The following MTR variants were observed in gnomAD, a reference collection of about 807,000 sequenced individuals.
The protein encoded by MTR is 5-methyltetrahydrofolate-homocysteine methyltransferase.
MTR carries 84 observed loss-of-function variants against 154.8 expected under a neutral mutation model. The ratio of observed to expected loss-of-function variants is 0.54; its 90% CI spans 0.45 to 0.65. The LOEUF (loss-of-function observed/expected upper bound fraction) is 0.65. Ranked by LOEUF, MTR falls within the 30% of genes least tolerant of loss-of-function variation. The pLI is 0.00. For synonymous variants in MTR, 554 were observed against 553.9 expected, an observed-to-expected ratio of 1.00 and a Z score of 0.00; for missense variants, 1,275 against 1,570.2, an observed-to-expected ratio of 0.81 and a Z score of 3.18.
chr1:236,897,310 G>GCGCGCACGCACACACACA lies in MTR; in HGVS notation c.3711+193_3711+194insGCGCACGCACACACACAC. Among the ~76,000 whole-genome samples the GCGCGCACGCACACACACA allele has an allele frequency of 3.3e-3, 422 of 128,674 alleles. 4 individuals are homozygous for GCGCGCACGCACACACACA. Among genetic ancestry groups the GCGCGCACGCACACACACA allele is most frequent in the Non-Finnish European group, 4.5e-3 (261 of 58,150 alleles). The allele number at this position is 128,674 out of a possible 152,430, so 84.4% of individuals were successfully genotyped here. A position where few individuals can be genotyped will look rare whatever the true frequency, so the allele number is the denominator to read the frequency against. On this transcript the variant is annotated intron_variant, in intron 32 of 32. Coordinates refer to ENST00000366577, the MANE Select transcript of MTR (RefSeq NM_000254.3). Reference sequence around the variant, plus strand: ...ACTTCTACATGCAAGCCACACACACGCACACACACACACACACACACACAC... The same window carrying GCGCGCACGCACACACACA: ...ACTTCTACATGCAAGCCACACACACGCGCGCACGCACACACACACACACACACACACACACACACACAC...
At chr1:236,814,733 G>A (rs534679157) in intron 6 of MTR, among the ~76,000 whole-genome samples, 1 of 152,266 alleles carries the variant, frequency 6.6e-6, no homozygotes, top group Admixed American at 6.5e-5. Context: ...TGAGTAACTG[G>A]TTGGCTTAGA....
intron 32 of MTR, 71 bp from the exon 33 acceptor site, chr1:236,897,487 A>G: frequency 2.1e-6 from 3 of 1,413,250 alleles, no homozygotes; most frequent in Non-Finnish European, 3.0e-6. Flanking sequence ...TTTCTTGGCA[A>G]ATCTTGTGGA....
At position 236,859,937 on chromosome 1, in the gene MTR, C is replaced by A; in HGVS notation, c.2043+15C>A. On this transcript the variant is annotated intron_variant, in intron 19 of 32. Coordinates refer to ENST00000366577, the MANE Select transcript of MTR (RefSeq NM_000254.3). ...CCCTTGTGAAGGTAAGTTACAGGGG[C>A]CTGAACTGGAGGGCTGGAGGCTCAT... The A allele has an allele frequency of 6.2e-7, 1 of 1,610,634 alleles. No homozygotes were observed. The highest frequency in any genetic ancestry group is 8.5e-7 in the Non-Finnish European group (1 of 1,177,080).
intron 22 of MTR, among the ~76,000 whole-genome samples, chr1:236,872,422 CA>C: frequency 6.6e-6 from 1 of 152,286 alleles, no homozygotes; most frequent in African/African-American, 2.4e-5. Context: ...AGTTCCCTGA[CA>C]GCTCTTCGTG....
intron 1 of MTR, among the ~76,000 whole-genome samples, chr1:236,800,772 C>G (rs921514737): frequency 6.6e-6 from 1 of 152,210 alleles, no homozygotes; most frequent in African/African-American, 2.4e-5. Context: ...TACTATACAT[C>G]AAACACCAAT....
chr1:236,875,488 G>A (rs1665380537), intron 24 of MTR, among the ~76,000 whole-genome samples: 2 of 152,198 alleles, frequency 1.3e-5, no homozygotes, highest in Admixed American at 1.3e-4. Context: ...ATAGTGATAT[G>A]TGGTAAGTGC....
rs187391370 is a variant in MTR at position 236,805,739 on chromosome 1, C to T, written c.250-405C>T. 8.8e-4 allele frequency among the ~76,000 whole-genome samples: 134 copies of T among 152,228 alleles called. 2 individuals carry two copies. The highest frequency in any genetic ancestry group is 3.1e-3 in the African/African-American group (130 of 41,550). ...TCTTGAACTCCTGGCCTCAAGCAGTCCTCTCACCTTGGCTTCCCAAAGTGC... is the reference window on the plus strand; with the variant it reads ...TCTTGAACTCCTGGCCTCAAGCAGTTCTCTCACCTTGGCTTCCCAAAGTGC... On this transcript the variant is annotated intron_variant, in intron 2 of 32. Coordinates refer to ENST00000366577, the MANE Select transcript of MTR (RefSeq NM_000254.3).
intron 7 of MTR, among the ~76,000 whole-genome samples, chr1:236,816,100 A>C (rs941011909): frequency 6.6e-6 from 1 of 152,240 alleles, no homozygotes; most frequent in African/African-American, 2.4e-5. Flanking sequence ...CAAGGGTGTT[A>C]GATAAATCCA....
intron 4 of MTR, among the ~76,000 whole-genome samples, chr1:236,809,475 G>T (rs1005335799): frequency 3.3e-5 from 5 of 152,224 alleles, no homozygotes; most frequent in African/African-American, 1.2e-4. Flanking sequence ...AAGCAGAATT[G>T]CTGTGAAGTT....
At chr1:236,826,523 T>C (rs1662295511) in intron 10 of MTR, among the ~76,000 whole-genome samples, 1 of 152,182 alleles carries the variant, frequency 6.6e-6, no homozygotes, top group African/African-American at 2.4e-5. Context: ...CTCAAATTCC[T>C]GGCCTCAAGT....
intron 31 of MTR, 38 bp from the exon 32 acceptor site, chr1:236,896,966 ACT>A: frequency 1.4e-6 from 2 of 1,467,324 alleles, no homozygotes; most frequent in East Asian, 4.5e-5. Flanking sequence ...TGTGCTAGAC[ACT>A]GAGTCCATAA....
chr1:236,886,719 A>G (rs1235269005), intron 27 of MTR, among the ~76,000 whole-genome samples: 2 of 152,212 alleles, frequency 1.3e-5, no homozygotes, highest in South Asian at 2.1e-4. Context: ...TTCTAAAGCC[A>G]TGCTCTTTCC....
At position 236,862,720 on chromosome 1, in the gene MTR, T is replaced by A. The variant is rs374248277; in HGVS notation, c.2304+377T>A. Among the ~76,000 whole-genome samples the A allele has an allele frequency of 3.7e-4, 56 of 152,250 alleles. 7 individuals carry two copies. The highest frequency in any genetic ancestry group is 2.5e-3 in the East Asian group (13 of 5,178). On this transcript the variant is annotated intron_variant, in intron 21 of 32. Coordinates refer to ENST00000366577, the MANE Select transcript of MTR (RefSeq NM_000254.3). ...CCTTGAGGTCATTGAGTCATGCTTG[T>A]TTTTAGAAAACTCTTAACTGAATAG...
chr1:236,896,875 T>A, intron 31 of MTR, 131 bp from the exon 32 acceptor site: 2 of 776,478 alleles, frequency 2.6e-6, no homozygotes, highest in Admixed American at 3.4e-5. Flanking sequence ...TGCTGTGTCA[T>A]GTGTCTACCT....
At chr1:236,822,166 C>A (rs1473609910) in intron 8 of MTR, among the ~76,000 whole-genome samples, 1 of 152,030 alleles carries the variant, frequency 6.6e-6, no homozygotes, top group Admixed American at 6.6e-5. Context: ...ACAATATTGT[C>A]TTCCTCTTCA....
chr1:236,889,414 A>C (rs1666196334), intron 28 of MTR, 78 bp downstream of exon 28: 2 of 1,581,630 alleles, frequency 1.3e-6, no homozygotes, highest in African/African-American at 2.7e-5. Context: ...GGAATCGGTG[A>C]GGAGCAGTGG....
intron 8 of MTR, chr1:236,820,031 G>A: frequency 1.2e-6 from 1 of 867,636 alleles, no homozygotes; most frequent in Non-Finnish European, 2.0e-6. Flanking sequence ...CTGACCAGCA[G>A]CCTCTCATGG....
At chr1:236,810,458 G>T in intron 4 of MTR, 45 bp from the exon 5 acceptor site, 1 of 1,495,632 alleles carries the variant, frequency 6.7e-7, no homozygotes, top group Admixed American at 1.7e-5. Flanking sequence ...GACAAAAAAT[G>T]TTCAGCCACT....
At chr1:236,855,217 GA>G (rs1031162051) in intron 18 of MTR, among the ~76,000 whole-genome samples, 14 of 152,156 alleles carry the variant, frequency 9.2e-5, no homozygotes, top group African/African-American at 3.4e-4. Context: ...TGCAAATGAA[GA>G]AGTCTGCACC....
Sources: gnomAD v4.1 joint callset for allele counts (sites outside exome capture counted in the v4.1 genomes callset) on GRCh38, gnomAD v4.1.1 for gene constraint, MANE v1.5 for transcripts, NCBI Gene and HGNC (gene_info 2026-07-23, HGNC 2026-07-21) for gene names.